Variants in PRAMEF20 observed in about 807,000 individuals in gnomAD.
The protein encoded by PRAMEF20 is PRAME family member 20/21.
PRAMEF20 carries 27 observed loss-of-function variants against 32.4 expected under a neutral mutation model. The ratio of observed to expected loss-of-function variants is 0.83; its 90% confidence interval spans 0.61 to 1.15. The LOEUF (loss-of-function observed/expected upper bound fraction) is 1.15, where lower values mean the gene tolerates loss of function less well. Among genes scored for constraint, PRAMEF20 ranks in the 50% most tolerant of loss-of-function variants. The pLI is 0.00. For synonymous variants in PRAMEF20, 256 were observed against 235.4 expected (o/e 1.09, Z -0.80); for missense variants, 604 against 584.5 (o/e 1.03, Z -0.34).
At chr1:13,411,385 A>G (rs1641112726), upstream of PRAMEF20, among the ~76,000 whole-genome samples, 1 of 151,568 alleles carries the variant, frequency 6.6e-6, no homozygotes, top group African/African-American at 2.4e-5. Flanking sequence ...ACAATATCCA[A>G]TTAATTGAAA....
chr1:13,418,466 A>C, exon 2 of PRAMEF20: 1 of 1,613,908 alleles, frequency 6.2e-7, no homozygotes, highest in Admixed American at 1.7e-5. Context: ...CAGGAGGTGG[A>C]AGTGAATTGC....
exon 1 of PRAMEF20, chr1:13,416,403 C>G (rs1435870349): frequency 2.5e-6 from 4 of 1,613,610 alleles, no homozygotes; most frequent in African/African-American, 2.7e-5. Flanking sequence ...GGGGCGGAGC[C>G]TGCTGAGGGA....
chr1:13,412,993 T>C (rs1364891216), upstream of PRAMEF20, among the ~76,000 whole-genome samples: 2 of 152,128 alleles, frequency 1.3e-5, no homozygotes, highest in South Asian at 2.1e-4. Context: ...ATGATTTCTA[T>C]TGTGTTTTCT....
At chr1:13,413,957 T>C (rs1641137098), upstream of PRAMEF20, among the ~76,000 whole-genome samples, 1 of 152,194 alleles carries the variant, frequency 6.6e-6, no homozygotes, top group African/African-American at 2.4e-5. Flanking sequence ...AATGCAGGTT[T>C]GTCTTTATCC....
At position 13,417,092 on chromosome 1, in the gene PRAMEF20, C is replaced by G. The variant is rs909449749; in HGVS notation, c.287+451C>G. ...AGTGTTACAGTTCTTAAAGATGGCA[C>G]GGACCCAAAGAGTGAGCGGTAGCAA... On this transcript the variant is annotated intron_variant, in intron 1 of 2. Coordinates refer to ENST00000602960, the Ensembl canonical transcript of PRAMEF20. Among the ~76,000 whole-genome samples the G allele has an allele frequency of 6.8e-3, 1,030 of 152,238 alleles. 17 individuals are homozygous for G. Among genetic ancestry groups the G allele is most frequent in the South Asian group, 0.024 (118 of 4,822 alleles).
chr1:13,418,171 T>C, exon 2 of PRAMEF20: 2 of 1,613,598 alleles, frequency 1.2e-6, no homozygotes, highest in Non-Finnish European at 8.5e-7. Flanking sequence ...TGAGAACTTC[T>C]GGATGGTTTG....
At position 13,418,081 on chromosome 1, in the gene PRAMEF20, T is replaced by C. The variant is rs920678565; in HGVS notation, c.288-41T>C. The C allele has an allele frequency of 2.8e-5, 45 of 1,610,464 alleles. No individual in the cohort carries two copies. The African/African-American group carries it at 5.7e-4, about 21-fold the overall frequency. On this transcript the variant is annotated intron_variant, in intron 1 of 2. Transcript: ENST00000602960. ...GAGCCACTGAGCCCAGCCTCAGAAG[T>C]GAGTCCTTAAATTCTCAGCCTCTCT...
At chr1:13,411,421 C>A (rs1447465668), upstream of PRAMEF20, among the ~76,000 whole-genome samples, 1 of 151,952 alleles carries the variant, frequency 6.6e-6, no homozygotes, top group Non-Finnish European at 1.5e-5. Flanking sequence ...CAACCCACCC[C>A]CCTTCAAAAA....
upstream of PRAMEF20, among the ~76,000 whole-genome samples, chr1:13,414,144 C>T (rs1011526403): frequency 1.3e-5 from 2 of 150,516 alleles, no homozygotes; most frequent in Non-Finnish European, 3.0e-5. Flanking sequence ...CTGGTTCAGG[C>T]GATTCTCCTG....
chr1:13,420,711 C>T (rs1426476885), exon 3 of PRAMEF20: 13 of 1,613,762 alleles, frequency 8.1e-6, no homozygotes, highest in East Asian at 2.2e-5. Context: ...CTAAAGACCT[C>T]GTTAAACATC....
chr1:13,415,787 C>CA (rs1395542081), upstream of PRAMEF20, among the ~76,000 whole-genome samples: 11,757 of 33,686 alleles, frequency 0.35, 678 homozygotes, highest in East Asian at 0.44. Flanking sequence ...AAGACCCTGG[C>CA]AAAAAAAAGA....
intron 1 of PRAMEF20, 100 bp from the exon 3 acceptor site, chr1:13,418,022 C>A: frequency 6.3e-7 from 1 of 1,598,610 alleles, no homozygotes; most frequent in Non-Finnish European, 8.5e-7. Context: ...GATCCGCCCG[C>A]CTTGGCCTCC....
At chr1:13,418,339 C>T in exon 2 of PRAMEF20, 1 of 1,613,858 alleles carries the variant, frequency 6.2e-7, no homozygotes, top group Non-Finnish European at 8.5e-7. Context: ...CTGCCTCTTT[C>T]TATGGGTCAA....
At chr1:13,412,811 C>G (rs1383212263), upstream of PRAMEF20, among the ~76,000 whole-genome samples, 4 of 152,078 alleles carry the variant, frequency 2.6e-5, no homozygotes, top group Non-Finnish European at 4.4e-5. Flanking sequence ...GTAATCCCAG[C>G]TACATGGAAG....
exon 1 of PRAMEF20, chr1:13,416,502 G>A: frequency 6.2e-7 from 1 of 1,614,174 alleles, no homozygotes; most frequent in Non-Finnish European, 8.5e-7. Context: ...GAGACACTGT[G>A]AGGCCCTGAA....
intron 1 of PRAMEF20, among the ~76,000 whole-genome samples, chr1:13,417,907 AATTT>A (rs1321280285): frequency 1.4e-4 from 6 of 44,140 alleles, no homozygotes; most frequent in East Asian, 7.9e-4. Flanking sequence ...ACGCCCGGCT[AATTT>A]GTGTGTGTGT....
upstream of PRAMEF20, among the ~76,000 whole-genome samples, chr1:13,412,348 G>A (rs1347632847): frequency 1.3e-5 from 2 of 152,052 alleles, no homozygotes; most frequent in African/African-American, 4.8e-5. Flanking sequence ...AAACTGCTTT[G>A]CTGAGCTAAG....
At chr1:13,417,751 T>TC (rs1491254219) in intron 1 of PRAMEF20, among the ~76,000 whole-genome samples, 1 of 119,270 alleles carries the variant, frequency 8.4e-6, no homozygotes, top group Non-Finnish European at 1.7e-5. Context: ...TTTTTTTTTT[T>TC]CTGAGACGGA....
At chr1:13,418,065 A>T (rs1420060557) in intron 1 of PRAMEF20, 57 bp from the exon 3 acceptor site, 15 of 1,611,288 alleles carry the variant, frequency 9.3e-6, no homozygotes, top group Admixed American at 6.7e-5. Context: ...TGAGCCACTG[A>T]GCCCAGCCTC....
Sources: gnomAD v4.1 joint callset for allele counts (sites outside exome capture counted in the v4.1 genomes callset) on GRCh38, gnomAD v4.1.1 for gene constraint, MANE v1.5 for transcripts, NCBI Gene and HGNC (gene_info 2026-07-23, HGNC 2026-07-21) for gene names.